Variants in CHD2 observed in about 807,000 individuals in gnomAD.
CHD2 encodes the protein ATP-dependent chromatin remodeler CHD2.
A neutral mutation model predicts 243.9 loss-of-function variants in CHD2; 28 were observed. The ratio of observed to expected loss-of-function variants is 0.11; its 90% confidence interval spans 0.09 to 0.16. The LOEUF is 0.16. CHD2 is among the 10% of genes least tolerant of loss of function. CHD2 has a pLI of 1.00. For synonymous variants in CHD2, 775 were observed against 779.0 expected (o/e 0.99, Z 0.09); for missense variants, 1,386 against 2,209.8 (o/e 0.63, Z 7.47).
intron 2 of CHD2, among the ~76,000 whole-genome samples, chr15:92,906,523 G>T (rs1212576330): frequency 1.3e-5 from 2 of 152,092 alleles, no homozygotes; most frequent in Non-Finnish European, 2.9e-5. Flanking sequence ...TGACAGTTAT[G>T]AGAGACCTCC....
chr15:92,994,793 T>C (rs2054166390), intron 28 of CHD2, among the ~76,000 whole-genome samples: 1 of 152,238 alleles, frequency 6.6e-6, no homozygotes, highest in South Asian at 2.1e-4. Context: ...TGGAGCTGTT[T>C]TCTTAACAGT....
chr15:92,928,428 T>G (rs1030378586), intron 4 of CHD2, among the ~76,000 whole-genome samples: 1 of 152,250 alleles, frequency 6.6e-6, no homozygotes, highest in Non-Finnish European at 1.5e-5. Context: ...CTGAAATGTC[T>G]GTGACTGTAA....
At chr15:92,989,762 T>C (rs1476993072) in intron 26 of CHD2, among the ~76,000 whole-genome samples, 2 of 152,202 alleles carry the variant, frequency 1.3e-5, no homozygotes, top group Non-Finnish European at 2.9e-5. Context: ...CAAATGACAG[T>C]GACTCTGACA....
At chr15:93,007,778 T>C (rs1366244893) in intron 34 of CHD2, among the ~76,000 whole-genome samples, 1 of 152,250 alleles carries the variant, frequency 6.6e-6, no homozygotes, top group Non-Finnish European at 1.5e-5. Flanking sequence ...GTCCCTAATT[T>C]TACTTTTTAA....
chr15:92,943,055 G>A lies in CHD2; in HGVS notation c.1039G>A (p.Glu347Lys), dbSNP rs762668182. 4.3e-6 allele frequency: 7 copies of A among 1,610,918 alleles called. No individual in the cohort carries two copies. Among genetic ancestry groups the A allele is most frequent in the Non-Finnish European group, 5.1e-6 (6 of 1,177,406 alleles). ...KLENFKKKED[E>K]IKQWLGKVSP... Reference sequence around the variant, plus strand: ...AGAGAACTTCAAGAAAAAAGAGGACGAAATCAAACAATGGTATATTTTCCA... The same window carrying A: ...AGAGAACTTCAAGAAAAAAGAGGACAAAATCAAACAATGGTATATTTTCCA... Residue 347 changes from glutamate to lysine, a missense_variant, in exon 9 of 39, where the codon GAA becomes AAA. Glu to Lys is a moderately conservative substitution (Grantham distance 56). This residue lies in a region of CHD2 where 200 missense variants were observed against 292.5 expected (regional missense o/e 0.68). Coordinates refer to ENST00000394196, the MANE Select transcript of CHD2 (RefSeq NM_001271.4).
In CHD2 at chr15:93,025,092, G is replaced by A. The variant is rs901292937; in HGVS notation, c.*387G>A. The A allele has an allele frequency of 8.1e-5, 16 of 198,552 alleles. No individual in the cohort carries two copies. The highest frequency in any genetic ancestry group is 1.4e-4 in the Non-Finnish European group (14 of 98,588). The allele number at this position is 198,552 out of a possible 1,614,324, so 12.3% of individuals were successfully genotyped here. On this transcript the variant is annotated 3_prime_UTR_variant, in exon 39 of 39. Transcript: ENST00000394196. ...GTTCCCAGGACCTTAGTGCATGGTC[G>A]GGGCAGGAACTGGTGCATGGAGGCT...
At chr15:92,955,564 G>T (rs774934588) in intron 15 of CHD2, 52 bp downstream of exon 15, 3 of 1,171,474 alleles carry the variant, frequency 2.6e-6, no homozygotes, top group Non-Finnish European at 3.7e-6. Context: ...GACTTGTCCA[G>T]ATGGTAGGGT....
intron 5 of CHD2, among the ~76,000 whole-genome samples, chr15:92,929,824 G>A (rs1245618347): frequency 6.6e-6 from 1 of 151,984 alleles, no homozygotes; most frequent in Non-Finnish European, 1.5e-5. Flanking sequence ...TCTATTAAGA[G>A]CTCTAGGTAC....
At chr15:92,963,645 A>G (rs1429507037) in intron 16 of CHD2, among the ~76,000 whole-genome samples, 7 of 152,192 alleles carry the variant, frequency 4.6e-5, no homozygotes, top group Non-Finnish European at 8.8e-5. Flanking sequence ...TTTTAGTCTG[A>G]AGGGCTTCCT....
rs184844738 is a variant in CHD2 at position 92,926,293 on chromosome 15, A to C, written c.295-951A>C. ...TAAATACAAACATTTCACAAGTCTC[A>C]GCTAGTGGCTTCTTTTGTGCATGTT... On this transcript the variant is annotated intron_variant, in intron 3 of 38. Transcript: ENST00000394196. Among the ~76,000 whole-genome samples, 190 of 152,338 alleles carry C rather than the reference A, an allele frequency of 1.2e-3. 1 individual carries two copies. The highest frequency in any genetic ancestry group is 4.3e-3 in the African/African-American group (177 of 41,574).
chr15:93,015,107 C>A (rs933474789), intron 37 of CHD2, among the ~76,000 whole-genome samples, 198 bp downstream of exon 37: 3 of 151,838 alleles, frequency 2.0e-5, no homozygotes, highest in African/African-American at 7.3e-5. Context: ...GAGACTGAGT[C>A]TTGCTCTGTC....
chr15:93,021,310 A>T (rs1445105198), intron 38 of CHD2: 2 of 151,958 alleles, frequency 1.3e-5, no homozygotes, highest in Admixed American at 6.6e-5. Flanking sequence ...TGTTCCTTTT[A>T]AAAAAAATCA....
rs765434046 is a variant in CHD2 at position 92,977,612 on chromosome 15, CT to C, written c.2578-621del. 3.4e-4 allele frequency among the ~76,000 whole-genome samples: 52 copies of C among 152,224 alleles called. 1 individual carries two copies. In the East Asian group the frequency reaches 9.1e-3, roughly 27 times the overall value. ...GCTTGCCCAGTGTCTACTGTCATTG[CT>C]GTGGATACTGCAGTGTCAGTGCCTG... On this transcript the variant is annotated intron_variant, in intron 20 of 38. Transcript: ENST00000394196.
In CHD2 at chr15:92,998,803, G is replaced by A. The variant is rs1387411795; in HGVS notation, c.4008+182G>A. The stretch of plus-strand genomic sequence containing the variant: ...GGTAATAATAGAAATGTTCATTTAG[G>A]CCTGGCGCAGTGGCTCATGCCTGTA... On this transcript the variant is annotated intron_variant, in intron 31 of 38. Coordinates refer to ENST00000394196, the MANE Select transcript of CHD2 (RefSeq NM_001271.4). The surrounding 1 kb of genome is among the most constrained non-coding windows in gnomAD (Gnocchi z 5.1). Among the ~76,000 whole-genome samples, 1 of 152,142 alleles carries A rather than the reference G, an allele frequency of 6.6e-6. No homozygotes were observed. Among genetic ancestry groups the A allele is most frequent in the Non-Finnish European group, 1.5e-5 (1 of 68,014 alleles).
chr15:92,929,194 G>A (rs1450335497), intron 5 of CHD2, 103 bp downstream of exon 5: 2 of 1,016,868 alleles, frequency 2.0e-6, no homozygotes, highest in African/African-American at 3.2e-5. Context: ...AGGTCCCTTA[G>A]TCTGCTTCTG....
intron 4 of CHD2, among the ~76,000 whole-genome samples, chr15:92,927,879 A>AT (rs932175142): frequency 1.3e-5 from 2 of 152,162 alleles, no homozygotes; most frequent in African/African-American, 4.8e-5. Context: ...TTGATCAGTG[A>AT]TTTTTTTAAA....
At chr15:92,939,455 C>T in intron 6 of CHD2, 123 bp from the exon 7 acceptor site, 3 of 1,055,180 alleles carry the variant, frequency 2.8e-6, no homozygotes, top group Non-Finnish European at 4.0e-6. Context: ...GCATGTTTAA[C>T]ATTCCCCAAG....
At chr15:92,901,397 TTTA>T (rs1405647697) in intron 2 of CHD2, 98 bp downstream of exon 2, 5 of 736,208 alleles carry the variant, frequency 6.8e-6, no homozygotes, top group Non-Finnish European at 4.7e-6. Context: ...TGCTGTCTGT[TTTA>T]TTGTGTTTTT....
intron 38 of CHD2, chr15:93,021,568 G>C (rs1203084268): frequency 2.0e-5 from 3 of 152,156 alleles, no homozygotes; most frequent in Admixed American, 6.5e-5. Context: ...TATGCTTTCT[G>C]TTTCACTGTG....
Sources: gnomAD v4.1 joint callset for allele counts (sites outside exome capture counted in the v4.1 genomes callset) on GRCh38, gnomAD v4.1.1 for gene constraint, gnomAD v4.1.1 regional missense constraint, Gnocchi (gnomAD v3.1) non-coding constraint, MANE v1.5 for transcripts, NCBI Gene and HGNC (gene_info 2026-07-23, HGNC 2026-07-21) for gene names.